Variants in SPA17 observed in about 807,000 individuals in gnomAD.
SPA17 encodes sperm surface protein Sp17.
In SPA17, 7 loss-of-function variants were observed where a neutral mutation model predicts 13.8. That is an observed-to-expected ratio of 0.51 (90% confidence interval 0.29 to 0.95). The LOEUF (loss-of-function observed/expected upper bound fraction) is 0.95. Among genes scored for constraint, SPA17 ranks in the 40% least tolerant of loss-of-function variants. SPA17 has a pLI of 0.08. For synonymous variants in SPA17, 61 were observed against 59.0 expected, an observed-to-expected ratio of 1.03 and a Z score of -0.16; for missense variants, 170 against 179.3, an observed-to-expected ratio of 0.95 and a Z score of 0.30.
chr11:124,690,136 C>T (rs1373245608), intron 3 of SPA17, among the ~76,000 whole-genome samples: 1 of 152,142 alleles, frequency 6.6e-6, no homozygotes, highest in East Asian at 1.9e-4. Context: ...GAAAATAAAT[C>T]AATACATCAA....
chr11:124,693,023 A>T (rs944946422), intron 4 of SPA17, among the ~76,000 whole-genome samples: 3 of 152,206 alleles, frequency 2.0e-5, no homozygotes, highest in Non-Finnish European at 4.4e-5. Context: ...TTACATTAGG[A>T]TATAACAGGA....
At chr11:124,684,986 A>G (rs1384809083) in intron 3 of SPA17, among the ~76,000 whole-genome samples, 8 of 152,258 alleles carry the variant, frequency 5.3e-5, no homozygotes, top group African/African-American at 1.9e-4. Context: ...TTGCAGCCTG[A>G]TGACACAATA....
intron 3 of SPA17, among the ~76,000 whole-genome samples, chr11:124,690,596 T>C (rs1248403165): frequency 6.6e-6 from 1 of 152,180 alleles, no homozygotes; most frequent in Non-Finnish European, 1.5e-5. Context: ...ATTGTACATG[T>C]ACTCCATAAA....
At chr11:124,673,989 A>T in intron 1 of SPA17, 37 bp downstream of exon 1, 2 of 490,980 alleles carry the variant, frequency 4.1e-6, no homozygotes, top group Non-Finnish European at 7.3e-6. Context: ...CGATACCAAG[A>T]CCTAGCCTTT....
chr11:124,683,625 G>C (rs1429180837), intron 3 of SPA17, among the ~76,000 whole-genome samples: 20 of 150,014 alleles, frequency 1.3e-4, no homozygotes, highest in Non-Finnish European at 7.4e-5. Context: ...AAGTAAAGAA[G>C]TGGAAAAAGA....
chr11:124,688,782 C>T (rs942798225), intron 3 of SPA17, among the ~76,000 whole-genome samples: 1 of 152,164 alleles, frequency 6.6e-6, no homozygotes, highest in East Asian at 1.9e-4. Flanking sequence ...CAAAGCAATC[C>T]TTAACAGGAA....
intron 3 of SPA17, among the ~76,000 whole-genome samples, chr11:124,683,617 G>C (rs542276672): frequency 6.7e-6 from 1 of 149,584 alleles, no homozygotes; most frequent in African/African-American, 2.4e-5. Flanking sequence ...TAGACTGAAA[G>C]TAAAGAAGTG....
chr11:124,694,746 TCTAA>T lies in SPA17; in HGVS notation c.*304_*307del, dbSNP rs1665864271. ...TACAGAGATCTCAGAGGTTATGTGT[TCTAA>T]CTATTATCAAATGAATAAATCCTCT... On this transcript the variant is annotated 3_prime_UTR_variant, in exon 5 of 5. Transcript: ENST00000227135. The T allele has an allele frequency of 4.7e-6, 1 of 212,762 alleles. No individual in the cohort carries two copies. The highest frequency in any genetic ancestry group is 5.9e-5 in the Admixed American group (1 of 17,082). The allele number at this position is 212,762 out of a possible 1,614,324, so 13.2% of individuals were successfully genotyped here.
At chr11:124,687,460 T>C (rs1943587678) in intron 3 of SPA17, among the ~76,000 whole-genome samples, 1 of 152,022 alleles carries the variant, frequency 6.6e-6, no homozygotes, top group African/African-American at 2.4e-5. Context: ...ATGAGGCCAA[T>C]ATCACCCTAA....
chr11:124,694,670 T>C lies in SPA17; in HGVS notation c.*224T>C. On this transcript the variant is annotated 3_prime_UTR_variant, in exon 5 of 5. Coordinates refer to ENST00000227135, the MANE Select transcript of SPA17 (RefSeq NM_017425.4). ...AGTTTGTTTACACTTGTCTCAAGCCTATCTATAGAGACCCTTGGATTTAGA... is the reference window on the plus strand; with the variant it reads ...AGTTTGTTTACACTTGTCTCAAGCCCATCTATAGAGACCCTTGGATTTAGA... The C allele has an allele frequency of 2.1e-6, 1 of 484,700 alleles. No individual in the cohort carries two copies. Among genetic ancestry groups the C allele is most frequent in the Non-Finnish European group, 3.6e-6 (1 of 278,822 alleles). 30.0% of individuals were successfully genotyped at this position (484,700 alleles called of 1,614,324 possible). A position where few individuals can be genotyped will look rare whatever the true frequency, so the allele number is the denominator to read the frequency against.
chr11:124,688,293 A>G (rs925760373), intron 3 of SPA17, among the ~76,000 whole-genome samples: 22 of 152,230 alleles, frequency 1.4e-4, no homozygotes, highest in African/African-American at 4.8e-4. Context: ...GATTACAGGC[A>G]TGCATCACCA....
intron 2 of SPA17, chr11:124,675,758 A>G (rs1479806857): frequency 1.1e-5 from 2 of 183,416 alleles, no homozygotes; most frequent in African/African-American, 4.8e-5. Context: ...ACGTTCCAGC[A>G]TACTGTTCCT....
chr11:124,680,938 C>T (rs1350720845), intron 2 of SPA17, among the ~76,000 whole-genome samples: 2 of 151,940 alleles, frequency 1.3e-5, no homozygotes, highest in Non-Finnish European at 2.9e-5. Flanking sequence ...ATAAATACCT[C>T]TGCTTGTCTG....
chr11:124,686,977 A>G (rs1236784376), intron 3 of SPA17, among the ~76,000 whole-genome samples: 2 of 152,204 alleles, frequency 1.3e-5, no homozygotes, highest in South Asian at 2.1e-4. Context: ...AAATAACAAT[A>G]CAAAGGATTA....
chr11:124,694,092 A>T (rs1021048993), intron 4 of SPA17, among the ~76,000 whole-genome samples: 2 of 152,238 alleles, frequency 1.3e-5, no homozygotes, highest in African/African-American at 2.4e-5. Flanking sequence ...TTGCAGAGAC[A>T]TATTAAAAGA....
chr11:124,694,602 A>G lies in SPA17; in HGVS notation c.*156A>G, dbSNP rs1024619912. The G allele has an allele frequency of 2.1e-6, 2 of 975,538 alleles. No individual in the cohort carries two copies. The highest frequency in any genetic ancestry group is 3.0e-6 in the Non-Finnish European group (2 of 675,544). 60.4% of individuals were successfully genotyped at this position (975,538 alleles called of 1,614,324 possible). On this transcript the variant is annotated 3_prime_UTR_variant, in exon 5 of 5. Coordinates refer to ENST00000227135, the MANE Select transcript of SPA17 (RefSeq NM_017425.4). ...TGTCATGAGCATTTGTTTAATAAGC[A>G]TACCATTGAAACATGCCACTTGAAG...
chr11:124,683,839 T>G (rs1201899955), intron 3 of SPA17, among the ~76,000 whole-genome samples: 1 of 152,168 alleles, frequency 6.6e-6, no homozygotes, highest in Non-Finnish European at 1.5e-5. Context: ...TAAAAAAAAT[T>G]TCTATGTCTA....
chr11:124,678,516 CTGTGTGTG>C (rs60663679), intron 2 of SPA17, among the ~76,000 whole-genome samples: 61 of 143,362 alleles, frequency 4.3e-4, no homozygotes, highest in African/African-American at 1.3e-3. Flanking sequence ...GAATACATAA[CTGTGTGTG>C]TGTGTGTGTG....
At chr11:124,675,558 A>G in intron 2 of SPA17, 140 bp downstream of exon 2, 1 of 832,294 alleles carries the variant, frequency 1.2e-6, no homozygotes, top group South Asian at 1.8e-5. Context: ...TTGCTCTTTG[A>G]AACAGTATGT....
Sources: gnomAD v4.1 joint callset for allele counts (sites outside exome capture counted in the v4.1 genomes callset) on GRCh38, gnomAD v4.1.1 for gene constraint, MANE v1.5 for transcripts, NCBI Gene and HGNC (gene_info 2026-07-23, HGNC 2026-07-21) for gene names.